RGS6: variants seen among roughly 807,000 people sequenced by gnomAD.
RGS6 encodes the protein regulator of G protein signaling 6.
RGS6 carries 30 observed loss-of-function variants against 78.5 expected under a neutral mutation model. The ratio of observed to expected loss-of-function variants is 0.38; its 90% CI spans 0.29 to 0.52. The LOEUF is 0.52. RGS6 is among the 20% of genes least tolerant of loss of function. The pLI is 0.85. For missense variants in RGS6, 495 were observed against 609.7 expected (o/e 0.81, Z 1.98); for synonymous variants, 206 against 206.0 (o/e 1.00, Z 0.00).
chr14:72,490,199 A>G (rs2096559391), intron 12 of RGS6, among the ~76,000 whole-genome samples: 1 of 152,162 alleles, frequency 6.6e-6, no homozygotes, highest in Non-Finnish European at 1.5e-5. Context: ...ATGATAGTGA[A>G]TAAGTCTCAT....
At chr14:72,434,561 G>A (rs892225245) in intron 3 of RGS6, among the ~76,000 whole-genome samples, 3 of 152,246 alleles carry the variant, frequency 2.0e-5, no homozygotes, top group African/African-American at 7.2e-5. Context: ...CAGCTGTGAA[G>A]TTTAGAGGCT....
chr14:72,321,710 C>G (rs1348865543), intron 2 of RGS6, among the ~76,000 whole-genome samples: 1 of 151,686 alleles, frequency 6.6e-6, no homozygotes, highest in Non-Finnish European at 1.5e-5. Context: ...CAAAAACTAC[C>G]AAAAAGATAA....
chr14:72,510,050 CT>C (rs2096859620), intron 13 of RGS6, 103 bp from the exon 14 acceptor site: 2 of 1,328,120 alleles, frequency 1.5e-6, no homozygotes, highest in South Asian at 3.1e-5. Context: ...AGATGTTTCC[CT>C]TTGGTGAGTG....
intron 2 of RGS6, among the ~76,000 whole-genome samples, chr14:72,119,277 G>A (rs1007713968): frequency 2.6e-5 from 4 of 152,274 alleles, no homozygotes; most frequent in South Asian, 4.1e-4. Context: ...AGCTGTGGAC[G>A]TAGATCATGG....
intron 2 of RGS6, among the ~76,000 whole-genome samples, chr14:72,114,191 AG>A (rs1190295255): frequency 6.6e-6 from 1 of 152,164 alleles, no homozygotes; most frequent in East Asian, 1.9e-4. Context: ...GGTGCAAAAT[AG>A]AAGCACGCCT....
chr14:72,247,275 A>G (rs1046358168), intron 2 of RGS6, among the ~76,000 whole-genome samples: 1 of 152,138 alleles, frequency 6.6e-6, no homozygotes, highest in Admixed American at 6.5e-5. Context: ...GGTTAGCCTT[A>G]TATTTCTTCT....
intron 2 of RGS6, among the ~76,000 whole-genome samples, chr14:72,210,459 G>A (rs780481785): frequency 6.6e-6 from 1 of 152,184 alleles, no homozygotes; most frequent in African/African-American, 2.4e-5. Context: ...CATTATGAGT[G>A]TATTTAGGTG....
At chr14:72,418,405 A>G (rs537879777) in intron 3 of RGS6, among the ~76,000 whole-genome samples, 63 of 152,244 alleles carry the variant, frequency 4.1e-4, no homozygotes, top group African/African-American at 1.4e-3. Context: ...GACCTCAAGC[A>G]ATCCACTTAC....
rs148253392 is a variant in RGS6 at position 72,402,190 on chromosome 14, C to T, written c.184+49996C>T. 7.6e-3 allele frequency among the ~76,000 whole-genome samples: 1,164 copies of T among 152,286 alleles called. 41 individuals are homozygous for T. Among genetic ancestry groups the T allele is most frequent in the Admixed American group, 0.058 (888 of 15,294 alleles). ...AGAGAGACCCATTGGTCCATTCCGT[C>T]CAAGATCTCTCTCAGGGCTCAGAGC... On this transcript the variant is annotated intron_variant, in intron 3 of 17. Coordinates refer to ENST00000553525, the MANE Select transcript of RGS6 (RefSeq NM_001204424.2).
At position 71,943,895 on chromosome 14, in the gene RGS6, G is replaced by C. The variant is rs369507599; in HGVS notation, c.-21+10954G>C. 3.3e-5 allele frequency among the ~76,000 whole-genome samples: 5 copies of C among 152,252 alleles called. No homozygotes were observed. The East Asian group carries it at 5.8e-4, about 18-fold the overall frequency. ...TATTGGTAGGAATTCATGGACTAGT[G>C]GGGGTGCATGGATTGGTATGAGTGT... On this transcript the variant is annotated intron_variant, in intron 1 of 17. Transcript: ENST00000553525.
intron 2 of RGS6, among the ~76,000 whole-genome samples, chr14:72,075,800 C>G (rs139345901): frequency 1.3e-5 from 2 of 152,300 alleles, no homozygotes; most frequent in Non-Finnish European, 2.9e-5. Flanking sequence ...GTCCTGGTAC[C>G]TTACGTGACC....
intron 3 of RGS6, among the ~76,000 whole-genome samples, chr14:72,379,127 C>G (rs2085426793): frequency 1.3e-5 from 2 of 152,070 alleles, no homozygotes; most frequent in African/African-American, 4.8e-5. Context: ...CAATACAATT[C>G]AACATCCCAT....
At chr14:72,387,433 C>T (rs1457939365) in intron 3 of RGS6, among the ~76,000 whole-genome samples, 1 of 152,082 alleles carries the variant, frequency 6.6e-6, no homozygotes, top group African/African-American at 2.4e-5. Context: ...CCTGTAGTCC[C>T]AGCTACCTGG....
At chr14:71,974,672 TTAAAA>T (rs2094009090) in intron 2 of RGS6, among the ~76,000 whole-genome samples, 2 of 152,266 alleles carry the variant, frequency 1.3e-5, no homozygotes, top group African/African-American at 4.8e-5. Context: ...TTTTCATTTT[TTAAAA>T]TAAAATGTCT....
intron 2 of RGS6, among the ~76,000 whole-genome samples, chr14:72,283,471 G>A (rs1018562298): frequency 6.6e-6 from 1 of 152,162 alleles, no homozygotes; most frequent in Non-Finnish European, 1.5e-5. Flanking sequence ...TCCCCATACT[G>A]TTCTCATGGT....
chr14:72,480,700 G>T (rs1038140205), intron 12 of RGS6, among the ~76,000 whole-genome samples: 3 of 152,164 alleles, frequency 2.0e-5, no homozygotes, highest in Non-Finnish European at 4.4e-5. Flanking sequence ...CAGGGAGGAG[G>T]TGCTGGCAGC....
At chr14:72,145,697 G>A (rs984791801) in intron 2 of RGS6, among the ~76,000 whole-genome samples, 1 of 152,176 alleles carries the variant, frequency 6.6e-6, no homozygotes, top group Non-Finnish European at 1.5e-5. Flanking sequence ...TGGCCAGGCT[G>A]ATCTCAAACT....
intron 7 of RGS6, among the ~76,000 whole-genome samples, chr14:72,466,428 T>C (rs1397912366): frequency 6.6e-6 from 1 of 152,210 alleles, no homozygotes; most frequent in Non-Finnish European, 1.5e-5. Context: ...CAAACACCTA[T>C]AAACTAATGT....
intron 3 of RGS6, among the ~76,000 whole-genome samples, chr14:72,403,658 G>A (rs952940603): frequency 8.5e-5 from 13 of 152,094 alleles, no homozygotes; most frequent in African/African-American, 2.4e-4. Context: ...GTTAATTACC[G>A]TGATTTATCA....
Sources: gnomAD v4.1 joint callset for allele counts (sites outside exome capture counted in the v4.1 genomes callset) on GRCh38, gnomAD v4.1.1 for gene constraint, MANE v1.5 for transcripts, NCBI Gene and HGNC (gene_info 2026-07-23, HGNC 2026-07-21) for gene names.